KIAA0825: variants seen among roughly 807,000 people sequenced by gnomAD.
The protein encoded by KIAA0825 is uncharacterized protein KIAA0825.
KIAA0825 carries 119 observed loss-of-function variants against 147.6 expected under a neutral mutation model. The observed-to-expected ratio is 0.81, with a 90% CI of 0.69 to 0.94. The LOEUF (loss-of-function observed/expected upper bound fraction) is 0.94. Ranked by LOEUF, KIAA0825 falls within the 40% of genes least tolerant of loss-of-function variation. KIAA0825 has a pLI of 0.00. For missense variants in KIAA0825, 1,381 were observed against 1,472.7 expected (o/e 0.94, Z 1.02); for synonymous variants, 470 against 518.1 (o/e 0.91, Z 1.26).
chr5:94,357,082 G>C (rs143036623), intron 20 of KIAA0825, among the ~76,000 whole-genome samples: 61 of 152,166 alleles, frequency 4.0e-4, no homozygotes, highest in African/African-American at 1.4e-3. Flanking sequence ...TAGAGAGCTC[G>C]AAAGAAAGAG....
intron 13 of KIAA0825, among the ~76,000 whole-genome samples, chr5:94,451,514 G>A (rs555122360): frequency 3.3e-5 from 5 of 152,118 alleles, no homozygotes; most frequent in Non-Finnish European, 7.3e-5. Context: ...CTGAATAGTC[G>A]TCCCCATGTT....
chr5:94,372,236 A>G (rs116127047), intron 20 of KIAA0825, among the ~76,000 whole-genome samples: 4,447 of 152,228 alleles, frequency 0.029, 197 homozygotes, highest in African/African-American at 0.1. Context: ...GGTGCAAGCT[A>G]TCAGTGGATC....
At chr5:94,419,470 T>C (rs1225611016) in intron 14 of KIAA0825, among the ~76,000 whole-genome samples, 1 of 152,156 alleles carries the variant, frequency 6.6e-6, no homozygotes, top group African/African-American at 2.4e-5. Context: ...TCCACAATCT[T>C]TTCCCAAATT....
intron 16 of KIAA0825, among the ~76,000 whole-genome samples, chr5:94,400,927 CAAG>C (rs541193230): frequency 1.3e-3 from 190 of 151,998 alleles, no homozygotes; most frequent in African/African-American, 4.4e-3. Context: ...TTTACTGTGT[CAAG>C]AAGGACAAAT....
rs150899938 is a variant in KIAA0825, at chr5:94,318,952, A to T, written c.3710+65416T>A. 6.6e-3 allele frequency among the ~76,000 whole-genome samples: 997 copies of T among 151,942 alleles called. 10 individuals are homozygous for T. Among genetic ancestry groups the T allele is most frequent in the African/African-American group, 0.023 (944 of 41,496 alleles). On this transcript the variant is annotated intron_variant, in intron 20 of 20. Transcript: ENST00000682413. ...AAAGCTTGTCCTGGGTCAGCCCTAA[A>T]CTAACACCAGGGCAAAGTGAGAAGC... is the stretch of plus-strand genomic sequence containing the variant.
At chr5:94,600,765 T>A (rs940338044) in intron 1 of KIAA0825, among the ~76,000 whole-genome samples, 1 of 147,616 alleles carries the variant, frequency 6.8e-6, no homozygotes, top group Non-Finnish European at 1.5e-5. Flanking sequence ...GGAGTGGAAG[T>A]AGTACCACAG....
intron 5 of KIAA0825, among the ~76,000 whole-genome samples, chr5:94,503,217 G>T (rs1765301950): frequency 6.6e-6 from 1 of 151,828 alleles, no homozygotes; most frequent in Non-Finnish European, 1.5e-5. Flanking sequence ...TTCCCACAAT[G>T]TAAATCTAGG....
intron 20 of KIAA0825, among the ~76,000 whole-genome samples, chr5:94,246,720 T>C (rs779082395): frequency 6.6e-6 from 1 of 152,170 alleles, no homozygotes; most frequent in Non-Finnish European, 1.5e-5. Flanking sequence ...GTGCTAGGTA[T>C]TGATATTTTT....
chr5:94,212,849 T>C (rs1772837198), intron 20 of KIAA0825, among the ~76,000 whole-genome samples: 1 of 152,112 alleles, frequency 6.6e-6, no homozygotes, highest in South Asian at 2.1e-4. Flanking sequence ...GCAGAGCTCT[T>C]TGAACAGATA....
At chr5:94,359,325 A>C (rs1744736245) in intron 20 of KIAA0825, among the ~76,000 whole-genome samples, 1 of 152,224 alleles carries the variant, frequency 6.6e-6, no homozygotes, top group Non-Finnish European at 1.5e-5. Flanking sequence ...GGTTTATATA[A>C]TAATCCTCAT....
intron 2 of KIAA0825, among the ~76,000 whole-genome samples, chr5:94,580,104 A>T (rs962704523): frequency 1.3e-5 from 2 of 152,190 alleles, no homozygotes; most frequent in South Asian, 4.1e-4. Flanking sequence ...TAACTTCCCA[A>T]TGAAAACTGT....
At chr5:94,176,007 T>A (rs919495687) in intron 20 of KIAA0825, among the ~76,000 whole-genome samples, 1 of 152,182 alleles carries the variant, frequency 6.6e-6, no homozygotes, top group Admixed American at 6.5e-5. Flanking sequence ...GTATCAAATT[T>A]ATTAAATTTT....
At chr5:94,257,210 G>A (rs1210049606) in intron 20 of KIAA0825, among the ~76,000 whole-genome samples, 3 of 152,010 alleles carry the variant, frequency 2.0e-5, no homozygotes, top group African/African-American at 7.2e-5. Flanking sequence ...GTTCCTTCTA[G>A]GAAGTAGTTT....
chr5:94,542,751 G>A (rs542524935), intron 2 of KIAA0825, among the ~76,000 whole-genome samples: 1 of 152,022 alleles, frequency 6.6e-6, no homozygotes, highest in Non-Finnish European at 1.5e-5. Flanking sequence ...AGGTTGCAGT[G>A]AGCCAAGATC....
intron 13 of KIAA0825, among the ~76,000 whole-genome samples, chr5:94,450,393 C>T (rs1355861310): frequency 6.8e-6 from 1 of 147,844 alleles, no homozygotes; most frequent in Non-Finnish European, 1.5e-5. Flanking sequence ...TACTAGATCA[C>T]TCCTTTGAGA....
chr5:94,281,746 T>G (rs1157377273), intron 20 of KIAA0825, among the ~76,000 whole-genome samples: 2 of 152,030 alleles, frequency 1.3e-5, no homozygotes, highest in Admixed American at 6.6e-5. Context: ...CCCCTGAGAG[T>G]GCAAAATAGG....
intron 20 of KIAA0825, among the ~76,000 whole-genome samples, chr5:94,294,740 A>C (rs899977309): frequency 1.3e-5 from 2 of 152,164 alleles, no homozygotes. Flanking sequence ...AGAATGTTGA[A>C]TATTGGCCCC....
intron 20 of KIAA0825, among the ~76,000 whole-genome samples, chr5:94,176,008 A>G (rs764812567): frequency 2.7e-4 from 41 of 152,138 alleles, no homozygotes; most frequent in African/African-American, 9.2e-4. Flanking sequence ...TATCAAATTT[A>G]TTAAATTTTT....
At chr5:94,339,788 A>G (rs1340867858) in intron 20 of KIAA0825, among the ~76,000 whole-genome samples, 1 of 152,222 alleles carries the variant, frequency 6.6e-6, no homozygotes, top group East Asian at 1.9e-4. Flanking sequence ...CTCATTTAGC[A>G]TGGTAGTTGA....
Sources: gnomAD v4.1 joint callset for allele counts (sites outside exome capture counted in the v4.1 genomes callset) on GRCh38, gnomAD v4.1.1 for gene constraint, MANE v1.5 for transcripts, NCBI Gene and HGNC (gene_info 2026-07-23, HGNC 2026-07-21) for gene names.